The following SESN3 variants were observed in gnomAD, a reference collection of about 807,000 sequenced individuals.
The protein encoded by SESN3 is sestrin 3, also known as sestrin-3.
SESN3 carries 21 observed loss-of-function variants against 55.3 expected under a neutral mutation model. That is an observed-to-expected ratio of 0.38 (90% CI 0.27 to 0.55). The LOEUF is 0.55. SESN3 is among the 20% of genes least tolerant of loss of function. The pLI is 0.76. For synonymous variants in SESN3, 181 were observed against 203.1 expected (o/e 0.89, Z 0.93); for missense variants, 408 against 604.3 (o/e 0.68, Z 3.41).
In SESN3 at chr11:95,177,887, C is replaced by G; in HGVS notation, c.1079G>C (p.Gly360Ala). 6.3e-7 allele frequency: 1 copy of G among 1,588,954 alleles called. No individual in the cohort carries two copies. Among genetic ancestry groups the G allele is most frequent in the African/African-American group, 1.4e-5 (1 of 72,828 alleles). The change falls in exon 8 of 10, where the codon GGG becomes GCG. Residue 360 changes from glycine (G) to alanine (A), a missense_variant. Coordinates refer to ENST00000536441, the MANE Select transcript of SESN3 (RefSeq NM_144665.4). ...ATAAAGTCTGTTCACCAGGGAGAACCCATGATTTTCCCAGGTATAGTCCTA... is the reference window on the plus strand; with the variant it reads ...ATAAAGTCTGTTCACCAGGGAGAACGCATGATTTTCCCAGGTATAGTCCTA... ...RAQDYTWENH[G>A]FSLVNRLYSD...
At chr11:95,216,464 T>C (rs149749952) in intron 1 of SESN3, among the ~76,000 whole-genome samples, 2 of 152,344 alleles carry the variant, frequency 1.3e-5, no homozygotes, top group Admixed American at 6.5e-5. Context: ...ACTGTCACAA[T>C]GAGTTCAAAT....
chr11:95,187,144 A>G (rs947547313), intron 4 of SESN3, among the ~76,000 whole-genome samples: 1 of 151,944 alleles, frequency 6.6e-6, no homozygotes, highest in Non-Finnish European at 1.5e-5. Context: ...ACCATTATTC[A>G]TATTCTAAAT....
rs185183361 is a variant in SESN3 at position 95,204,172 on chromosome 11, A to G, written c.79-10650T>C. The G allele has an allele frequency of 2.6e-5, 4 of 152,306 alleles. No homozygotes were observed. The East Asian group carries it at 7.7e-4, about 29-fold the overall frequency. The allele number at this position is 152,306 out of a possible 1,614,324, so 9.4% of individuals were successfully genotyped here. A position where few individuals can be genotyped will look rare whatever the true frequency, so the allele number is the denominator to read the frequency against. Reference sequence around the variant, plus strand: ...CACAGGATTGATGAAGTTAAGAGTGATAAAACCTTCCCAATATTAAATTTG... The same window carrying G: ...CACAGGATTGATGAAGTTAAGAGTGGTAAAACCTTCCCAATATTAAATTTG... On this transcript the variant is annotated intron_variant, in intron 1 of 9. Coordinates refer to ENST00000536441, the MANE Select transcript of SESN3 (RefSeq NM_144665.4).
intron 8 of SESN3, among the ~76,000 whole-genome samples, chr11:95,176,661 T>G (rs957833513): frequency 7.2e-5 from 11 of 152,208 alleles, no homozygotes; most frequent in Middle Eastern, 3.2e-3. Flanking sequence ...ATGCTTAGTT[T>G]AATAAAAAGA....
In SESN3 at chr11:95,172,451, A is replaced by G. The variant is rs2134208261; in HGVS notation, c.*804T>C. The G allele has an allele frequency of 6.6e-6, 1 of 152,302 alleles. No individual in the cohort carries two copies. The highest frequency in any genetic ancestry group is 6.5e-5 in the Admixed American group (1 of 15,294). 9.4% of individuals were successfully genotyped at this position (152,302 alleles called of 1,614,324 possible). Reference sequence around the variant, plus strand: ...CTGTGAGCACTGATTATTTAAGGTGACTGAGGATTACTGTCAGTGATAGGA... The same window carrying G: ...CTGTGAGCACTGATTATTTAAGGTGGCTGAGGATTACTGTCAGTGATAGGA... On this transcript the variant is annotated 3_prime_UTR_variant, in exon 10 of 10. Coordinates refer to ENST00000536441, the MANE Select transcript of SESN3 (RefSeq NM_144665.4).
At chr11:95,181,011 A>C (rs993278125) in intron 6 of SESN3, among the ~76,000 whole-genome samples, 2 of 152,136 alleles carry the variant, frequency 1.3e-5, no homozygotes, top group Admixed American at 1.3e-4. Context: ...TATGAAAGGT[A>C]GTTTTATAGG....
intron 1 of SESN3, among the ~76,000 whole-genome samples, chr11:95,227,500 G>A (rs1163254659): frequency 2.0e-5 from 3 of 151,860 alleles, no homozygotes; most frequent in Admixed American, 6.6e-5. Context: ...CACCATGCCC[G>A]GTCCTCAATC....
At chr11:95,180,274 G>A (rs954476272) in intron 6 of SESN3, among the ~76,000 whole-genome samples, 3 of 152,102 alleles carry the variant, frequency 2.0e-5, no homozygotes, top group African/African-American at 4.8e-5. Context: ...AAAAACAAGT[G>A]TAATTATGTT....
At chr11:95,220,624 T>C (rs1393283428) in intron 1 of SESN3, among the ~76,000 whole-genome samples, 1 of 152,214 alleles carries the variant, frequency 6.6e-6, no homozygotes, top group Non-Finnish European at 1.5e-5. Context: ...TACAAATGAA[T>C]TTGAAATCAC....
At position 95,169,281 on chromosome 11, in the gene SESN3, C is replaced by T. The variant is rs545471609; in HGVS notation, c.*3974G>A. The T allele has an allele frequency of 1.3e-5, 2 of 152,132 alleles. No individual in the cohort carries two copies. The highest frequency in any genetic ancestry group is 2.9e-5 in the Non-Finnish European group (2 of 68,030). The allele number at this position is 152,132 out of a possible 1,614,324, so 9.4% of individuals were successfully genotyped here. A position where few individuals can be genotyped will look rare whatever the true frequency, so the allele number is the denominator to read the frequency against. On this transcript the variant is annotated 3_prime_UTR_variant, in exon 10 of 10. Coordinates refer to ENST00000536441, the MANE Select transcript of SESN3 (RefSeq NM_144665.4). ...TCTCCAGAGGGATATAATAGGGAAACACAGTTTACGTTGACGGCCACCTAG... is the reference window on the plus strand; with the variant it reads ...TCTCCAGAGGGATATAATAGGGAAATACAGTTTACGTTGACGGCCACCTAG...
intron 1 of SESN3, among the ~76,000 whole-genome samples, chr11:95,211,881 C>T (rs988030355): frequency 2.0e-5 from 3 of 152,064 alleles, no homozygotes; most frequent in Admixed American, 6.6e-5. Flanking sequence ...AAAAGATTTA[C>T]AGAATAGGCT....
intron 1 of SESN3, among the ~76,000 whole-genome samples, chr11:95,208,378 A>C (rs1200422765): frequency 6.6e-6 from 1 of 151,452 alleles, no homozygotes; most frequent in East Asian, 1.9e-4. Context: ...TCATGACAGG[A>C]CTTCAAATAC....
intron 1 of SESN3, among the ~76,000 whole-genome samples, chr11:95,216,042 G>A (rs1285899633): frequency 6.8e-6 from 1 of 147,002 alleles, no homozygotes; most frequent in African/African-American, 2.5e-5. Flanking sequence ...AGCTTGCAGT[G>A]AGCCGAGATC....
At position 95,195,360 on chromosome 11, in the gene SESN3, T is replaced by C. The variant is rs182204742; in HGVS notation, c.79-1838A>G. On this transcript the variant is annotated intron_variant, in intron 1 of 9. Coordinates refer to ENST00000536441, the MANE Select transcript of SESN3 (RefSeq NM_144665.4). ...CTGAAAGGTACTGCATTTAAATGAA[T>C]ATAACATCCCTTAGTGTTTAGCAAT... Among the ~76,000 whole-genome samples the C allele has an allele frequency of 5.9e-5, 9 of 152,296 alleles. No homozygotes were observed. The East Asian group carries it at 1.7e-3, about 29-fold the overall frequency.
intron 6 of SESN3, 140 bp downstream of exon 6, chr11:95,184,280 T>C (rs534762591): frequency 2.9e-6 from 2 of 684,148 alleles, no homozygotes; most frequent in Admixed American, 2.8e-5. Flanking sequence ...AGCAATAGCA[T>C]GAGGGTAAGA....
intron 6 of SESN3, among the ~76,000 whole-genome samples, chr11:95,182,949 G>A (rs1372354401): frequency 6.6e-6 from 1 of 152,032 alleles, no homozygotes; most frequent in Non-Finnish European, 1.5e-5. Context: ...ATTTATCTTA[G>A]AGCCAAGGGC....
At position 95,177,624 on chromosome 11, in the gene SESN3, T is replaced by C; in HGVS notation, c.1247+95A>G. The C allele has an allele frequency of 6.5e-6, 5 of 774,690 alleles. No individual in the cohort carries two copies. The South Asian group carries it at 1.0e-4, about 16-fold the overall frequency. 48.0% of individuals were successfully genotyped at this position (774,690 alleles called of 1,614,324 possible). On this transcript the variant is annotated intron_variant, in intron 8 of 9. Transcript: ENST00000536441. ...CAGAAGTCTACATGTAATATTTTCT[T>C]CCCAGAGTCATATACTCCCAAACAG...
chr11:95,191,831 TAC>T (rs892121875), intron 2 of SESN3, among the ~76,000 whole-genome samples: 2 of 152,102 alleles, frequency 1.3e-5, no homozygotes, highest in African/African-American at 4.8e-5. Context: ...TCAAACATTA[TAC>T]ACACAGCTAT....
rs1861053017 is a variant in SESN3 at position 95,231,092 on chromosome 11, C to T, written c.-232G>A. On this transcript the variant is annotated 5_prime_UTR_variant, in exon 1 of 10. Transcript: ENST00000536441. Reference sequence around the variant, plus strand: ...GGAGACGGCGGCGGCTGCTCCTCACCGGCCCGTTGTTCCACCCGCCCCCAT... The same window carrying T: ...GGAGACGGCGGCGGCTGCTCCTCACTGGCCCGTTGTTCCACCCGCCCCCAT... 7.2e-6 allele frequency: 3 copies of T among 416,764 alleles called. No homozygotes were observed. The highest frequency in any genetic ancestry group is 8.4e-6 in the Non-Finnish European group (2 of 237,592). 25.8% of individuals were successfully genotyped at this position (416,764 alleles called of 1,614,324 possible).
Sources: gnomAD v4.1 joint callset for allele counts (sites outside exome capture counted in the v4.1 genomes callset) on GRCh38, gnomAD v4.1.1 for gene constraint, MANE v1.5 for transcripts, NCBI Gene and HGNC (gene_info 2026-07-23, HGNC 2026-07-21) for gene names.